Variants in PIBF1 observed in about 807,000 individuals in gnomAD.
PIBF1 encodes progesterone-induced-blocking factor 1.
PIBF1 carries 90 observed loss-of-function variants against 112.5 expected under a neutral mutation model. The ratio of observed to expected loss-of-function variants is 0.80; its 90% confidence interval spans 0.67 to 0.95. The LOEUF is 0.95. PIBF1 is among the 40% of genes least tolerant of loss of function. PIBF1 has a pLI of 0.00. For missense variants in PIBF1, 915 were observed against 852.3 expected (o/e 1.07, Z -0.92); for synonymous variants, 301 against 288.6 (o/e 1.04, Z -0.44).
chr13:72,958,372 A>G (rs1594271074), intron 14 of PIBF1, among the ~76,000 whole-genome samples: 1 of 150,506 alleles, frequency 6.6e-6, no homozygotes, highest in South Asian at 2.1e-4. Flanking sequence ...AATGTTCTAT[A>G]GTTCTATCTA....
chr13:73,007,324 TCTCA>T (rs1161820693), intron 17 of PIBF1, among the ~76,000 whole-genome samples: 1 of 145,090 alleles, frequency 6.9e-6, no homozygotes, highest in African/African-American at 2.6e-5. Flanking sequence ...TGAGATGGAG[TCTCA>T]CTCTGTCACC....
In PIBF1 at chr13:72,865,411, A is replaced by G. The variant is rs537870449; in HGVS notation, c.1322+11256A>G. On this transcript the variant is annotated intron_variant, in intron 10 of 17. Coordinates refer to ENST00000326291, the MANE Select transcript of PIBF1 (RefSeq NM_006346.4). ...TAGCAATTTATATAGAGAATTTTAC[A>G]TAGTTGCCAGCTCTGAATAAGTATT... 9.0e-4 allele frequency among the ~76,000 whole-genome samples: 137 copies of G among 152,330 alleles called. 6 individuals are homozygous for G. In the South Asian group the frequency reaches 0.028, roughly 31 times the overall value.
chr13:72,862,882 TTAATGACCTTTGTCA>T (rs1271349089), intron 10 of PIBF1, among the ~76,000 whole-genome samples: 5 of 152,224 alleles, frequency 3.3e-5, no homozygotes, highest in African/African-American at 9.6e-5. Flanking sequence ...AAATGTAATC[TTAATGACCTTTGTCA>T]TTTTGGTTAC....
intron 8 of PIBF1, among the ~76,000 whole-genome samples, chr13:72,833,774 G>A (rs1412722182): frequency 2.6e-5 from 4 of 152,172 alleles, no homozygotes; most frequent in South Asian, 2.1e-4. Context: ...GAGTTCAAAC[G>A]CTGTGCTGGG....
In PIBF1 at chr13:72,968,353, T is replaced by C. The variant is rs551211287; in HGVS notation, c.1964+2949T>C. On this transcript the variant is annotated intron_variant, in intron 15 of 17. Transcript: ENST00000326291. ...TTCACTCTTGTCACCCAGACTGGAG[T>C]GCAATGGCGCGATCTCGGCTCACTG... Among the ~76,000 whole-genome samples, 28 of 151,452 alleles carry C rather than the reference T, an allele frequency of 1.8e-4. No individual in the cohort carries two copies. The South Asian group carries it at 3.1e-3, about 17-fold the overall frequency.
At chr13:72,810,671 T>G (rs1566299458) in intron 5 of PIBF1, among the ~76,000 whole-genome samples, 1 of 152,212 alleles carries the variant, frequency 6.6e-6, no homozygotes, top group Non-Finnish European at 1.5e-5. Context: ...AAAGTTTCTT[T>G]GTAAGGTACA....
At chr13:72,933,931 ATG>A (rs2041786621) in intron 14 of PIBF1, among the ~76,000 whole-genome samples, 1 of 152,184 alleles carries the variant, frequency 6.6e-6, no homozygotes, top group Non-Finnish European at 1.5e-5. Context: ...GAATCACAAA[ATG>A]TTAATAATGT....
chr13:72,826,511 G>T (rs1003086561), intron 6 of PIBF1, among the ~76,000 whole-genome samples: 4 of 152,070 alleles, frequency 2.6e-5, no homozygotes, highest in African/African-American at 9.7e-5. Context: ...TAACTTTTTT[G>T]GGGAACTTGT....
intron 14 of PIBF1, among the ~76,000 whole-genome samples, chr13:72,960,343 C>T (rs575671616): frequency 2.8e-4 from 42 of 152,068 alleles, no homozygotes; most frequent in Admixed American, 1.2e-3. Flanking sequence ...TCTGGGAGGT[C>T]GAGGCTGCAG....
chr13:72,963,597 A>ATAAG (rs1310112263), intron 14 of PIBF1, among the ~76,000 whole-genome samples: 1 of 152,182 alleles, frequency 6.6e-6, no homozygotes, highest in Non-Finnish European at 1.5e-5. Flanking sequence ...CCATCTCAAA[A>ATAAG]TAAGTAAGTA....
At chr13:72,920,554 C>G (rs1277819092) in intron 13 of PIBF1, among the ~76,000 whole-genome samples, 26 of 152,154 alleles carry the variant, frequency 1.7e-4, no homozygotes, top group Admixed American at 1.6e-3. Context: ...TGGCTTTGCG[C>G]TCTTTTTATG....
intron 5 of PIBF1, among the ~76,000 whole-genome samples, chr13:72,815,627 C>A (rs2036230343): frequency 6.6e-6 from 1 of 152,074 alleles, no homozygotes; most frequent in Non-Finnish European, 1.5e-5. Flanking sequence ...TGGTACAGGA[C>A]TTTATCCTTT....
chr13:72,865,940 AC>A (rs2038907023), intron 10 of PIBF1, among the ~76,000 whole-genome samples: 1 of 152,216 alleles, frequency 6.6e-6, no homozygotes, highest in Non-Finnish European at 1.5e-5. Context: ...TGGTGGCAAA[AC>A]AACAGAAATT....
intron 16 of PIBF1, among the ~76,000 whole-genome samples, chr13:72,987,854 A>ATTTATT (rs2043346807): frequency 1.7e-5 from 1 of 58,668 alleles, no homozygotes; most frequent in African/African-American, 8.2e-5. Flanking sequence ...TTATTTATTT[A>ATTTATT]TTTATTTTTT....
intron 12 of PIBF1, among the ~76,000 whole-genome samples, chr13:72,915,262 A>G (rs957261152): frequency 6.6e-6 from 1 of 152,124 alleles, no homozygotes; most frequent in Non-Finnish European, 1.5e-5. Flanking sequence ...TCCTTCACTG[A>G]ATCTCAGTCT....
At chr13:72,915,107 A>G (rs1447407763) in intron 12 of PIBF1, among the ~76,000 whole-genome samples, 4 of 152,198 alleles carry the variant, frequency 2.6e-5, no homozygotes, top group Non-Finnish European at 5.9e-5. Context: ...TGATGCAGAC[A>G]TGGTTTAAAG....
At chr13:72,918,515 G>A (rs199930933) in intron 13 of PIBF1, among the ~76,000 whole-genome samples, 1 of 150,104 alleles carries the variant, frequency 6.7e-6, no homozygotes, top group East Asian at 2.0e-4. Context: ...AGTCTCCCAA[G>A]TAGCTGGGAC....
intron 10 of PIBF1, among the ~76,000 whole-genome samples, chr13:72,863,480 T>C (rs1364019256): frequency 1.4e-5 from 2 of 147,896 alleles, no homozygotes; most frequent in Non-Finnish European, 3.0e-5. Flanking sequence ...TGAAACCCCA[T>C]CTCTACTAAA....
At chr13:72,865,967 A>G (rs532905567) in intron 10 of PIBF1, among the ~76,000 whole-genome samples, 4 of 152,322 alleles carry the variant, frequency 2.6e-5, no homozygotes, top group African/African-American at 9.6e-5. Context: ...TCCATTCTAG[A>G]GGCCAGAACT....
Sources: allele counts gnomAD v4.1 joint callset (sites outside exome capture counted in the v4.1 genomes callset), GRCh38; gene constraint gnomAD v4.1.1; transcripts MANE v1.5; gene names NCBI Gene and HGNC (gene_info 2026-07-23, HGNC 2026-07-21).